Variants in DYNC2LI1 observed in about 807,000 individuals in gnomAD.
DYNC2LI1 encodes dynein cytoplasmic 2 light intermediate chain 1.
DYNC2LI1 carries 45 observed loss-of-function variants against 51.9 expected under a neutral mutation model. The observed-to-expected ratio is 0.87, with a 90% confidence interval of 0.68 to 1.11. DYNC2LI1 has a LOEUF of 1.11. DYNC2LI1 is among the 50% of genes most tolerant of loss of function. The pLI is 0.00. For synonymous variants in DYNC2LI1, 130 were observed against 137.8 expected (o/e 0.94, Z 0.40); for missense variants, 490 against 417.4 (o/e 1.17, Z -1.51).
At chr2:43,800,958 G>C in intron 9 of DYNC2LI1, 41 bp downstream of exon 9, 1 of 1,361,746 alleles carries the variant, frequency 7.3e-7, no homozygotes, top group Non-Finnish European at 1.0e-6. Context: ...TTGAGTGATT[G>C]ATTTAGCCAA....
rs970640724 is a variant in DYNC2LI1, at chr2:43,774,155, T to C, written c.8+9T>C. On this transcript the variant is annotated intron_variant, in intron 1 of 12. Transcript: ENST00000260605. ...CCGTCGACGATGCCCAGGTATTCCCTGAACCCGGCTTGCGTGGGAAAGGCT... is the reference window on the plus strand; with the variant it reads ...CCGTCGACGATGCCCAGGTATTCCCCGAACCCGGCTTGCGTGGGAAAGGCT... 6.2e-7 allele frequency: 1 copy of C among 1,613,922 alleles called. No homozygotes were observed. The highest frequency in any genetic ancestry group is 8.5e-7 in the Non-Finnish European group (1 of 1,179,932).
chr2:43,823,527 C>A, the DYNC2LI1 span, among the ~76,000 whole-genome samples: 1 of 152,148 alleles, frequency 6.6e-6, no homozygotes, highest in Admixed American at 6.5e-5. Context: ...AAATTAGGTG[C>A]TGGCTGTCCT....
At chr2:43,788,030 T>C (rs1005683391) in intron 4 of DYNC2LI1, among the ~76,000 whole-genome samples, 3 of 152,122 alleles carry the variant, frequency 2.0e-5, no homozygotes, top group Non-Finnish European at 4.4e-5. Flanking sequence ...GAAAAAAACA[T>C]AATATATAGA....
At chr2:43,776,109 A>T (rs138309300) in intron 1 of DYNC2LI1, among the ~76,000 whole-genome samples, 1,873 of 151,986 alleles carry the variant, frequency 0.012, 47 homozygotes, top group African/African-American at 0.042. Flanking sequence ...ATATGTATAC[A>T]TGTGCCATGT....
downstream of DYNC2LI1, among the ~76,000 whole-genome samples, chr2:43,811,664 G>T (rs1666485232): frequency 6.6e-6 from 1 of 150,800 alleles, no homozygotes; most frequent in African/African-American, 2.4e-5. Context: ...GTGCATTCTC[G>T]GCTCACTGCA....
chr2:43,795,115 A>G, intron 6 of DYNC2LI1: 1 of 997,434 alleles, frequency 1.0e-6, no homozygotes, highest in Non-Finnish European at 1.2e-6. Flanking sequence ...TAATTAAATT[A>G]TAAAGTTGCT....
At chr2:43,818,995 T>C in the DYNC2LI1 span, among the ~76,000 whole-genome samples, 2 of 152,210 alleles carry the variant, frequency 1.3e-5, no homozygotes, top group African/African-American at 4.8e-5. Context: ...GCCTTCATAG[T>C]GGTGTGACTT....
At chr2:43,789,019 G>T (rs752212115) in intron 4 of DYNC2LI1, among the ~76,000 whole-genome samples, 1 of 152,186 alleles carries the variant, frequency 6.6e-6, no homozygotes, top group Non-Finnish European at 1.5e-5. Context: ...AAGAGAAGCA[G>T]TTGTTTGAAC....
chr2:43,822,415 C>G, the DYNC2LI1 span: 1 of 682,278 alleles, frequency 1.5e-6, no homozygotes. Context: ...CTGTCCTCTT[C>G]CCACCCTCTG....
intron 2 of DYNC2LI1, among the ~76,000 whole-genome samples, chr2:43,778,244 G>A (rs1461502187): frequency 1.3e-5 from 2 of 152,108 alleles, no homozygotes; most frequent in Non-Finnish European, 2.9e-5. Flanking sequence ...GCACCCTGCA[G>A]CCTTGACTTC....
At chr2:43,825,052 C>T in the DYNC2LI1 span, 25 of 1,610,870 alleles carry the variant, frequency 1.6e-5, no homozygotes, top group East Asian at 5.4e-4. Context: ...AGTGTGTGAT[C>T]ACAAGGGTAG....
In DYNC2LI1 at chr2:43,789,721, G is replaced by A. The variant is rs772202929; in HGVS notation, c.320G>A (p.Arg107Gln). Residue 107 changes from arginine to glutamine, a missense_variant and splice_region_variant, in exon 5 of 13, where the codon CGG (arginine) becomes CAG (glutamine). Arg to Gln is a conservative substitution (Grantham distance 43). Transcript: ENST00000260605. ...ATACCCATCACAGGTGACACCTTAC[G>A]GTAAGTGAGCCAGCTCCAGGAAAAC... ...ISIPITGDTL[R>Q]TFSLVLVLDL... 6.8e-6 allele frequency: 11 copies of A among 1,612,390 alleles called. No individual in the cohort carries two copies. The highest frequency in any genetic ancestry group is 2.7e-5 in the African/African-American group (2 of 74,802).
chr2:43,784,347 G>A (rs774018618), intron 3 of DYNC2LI1, among the ~76,000 whole-genome samples: 2 of 152,040 alleles, frequency 1.3e-5, no homozygotes, highest in African/African-American at 4.8e-5. Context: ...ACATTTAGAC[G>A]TTTCCTGTCA....
intron 1 of DYNC2LI1, 68 bp downstream of exon 1, chr2:43,774,214 C>A: frequency 1.3e-6 from 2 of 1,598,526 alleles, no homozygotes; most frequent in East Asian, 2.3e-5. Context: ...GAAGCCCAGG[C>A]GGGACCAGCT....
At position 43,774,119 on chromosome 2, in the gene DYNC2LI1, C is replaced by A; in HGVS notation, c.-20C>A. On this transcript the variant is annotated 5_prime_UTR_variant, in exon 1 of 13. Coordinates refer to ENST00000260605, the MANE Select transcript of DYNC2LI1 (RefSeq NM_016008.4). The stretch of plus-strand genomic sequence containing the variant: ...CACTACTCCGAGCCTGTGACGTTTG[C>A]GGCAGCCAGGCCGTCGACGATGCCC... The A allele has an allele frequency of 6.2e-7, 1 of 1,613,608 alleles. No individual in the cohort carries two copies. The highest frequency in any genetic ancestry group is 1.3e-5 in the African/African-American group (1 of 75,058).
the DYNC2LI1 span, chr2:43,826,374 C>T: frequency 1.2e-6 from 2 of 1,613,934 alleles, no homozygotes; most frequent in East Asian, 2.2e-5. Flanking sequence ...ACGAGTTGAA[C>T]CTCTTACCTG....
the DYNC2LI1 span, chr2:43,826,426 T>G: frequency 6.2e-7 from 1 of 1,614,058 alleles, no homozygotes; most frequent in Non-Finnish European, 8.5e-7. Flanking sequence ...AGAACCACAA[T>G]TCGGTTCCTG....
chr2:43,804,556 A>G lies in DYNC2LI1; in HGVS notation c.803-86A>G, dbSNP rs142722048. The G allele has an allele frequency of 5.7e-3, 4,955 of 862,302 alleles. 22 individuals carry two copies. Among genetic ancestry groups the G allele is most frequent in the Non-Finnish European group, 8.0e-3 (4,430 of 555,384 alleles). The allele number at this position is 862,302 out of a possible 1,614,324, so 53.4% of individuals were successfully genotyped here. A position where few individuals can be genotyped will look rare whatever the true frequency, so the allele number is the denominator to read the frequency against. Reference sequence around the variant, plus strand: ...GGAAAATGAGTGATCCGAGATGTATACCTTTGTTAGTGTCATTTCTTTTAT... The same window carrying G: ...GGAAAATGAGTGATCCGAGATGTATGCCTTTGTTAGTGTCATTTCTTTTAT... On this transcript the variant is annotated intron_variant, in intron 10 of 12. Coordinates refer to ENST00000260605, the MANE Select transcript of DYNC2LI1 (RefSeq NM_016008.4).
chr2:43,826,807 C>A, the DYNC2LI1 span, among the ~76,000 whole-genome samples: 1 of 152,110 alleles, frequency 6.6e-6, no homozygotes, highest in Non-Finnish European at 1.5e-5. Flanking sequence ...CTCAGGGCAC[C>A]CTGTCAGGGA....
Sources: gnomAD v4.1 joint callset for allele counts (sites outside exome capture counted in the v4.1 genomes callset) on GRCh38, gnomAD v4.1.1 for gene constraint, MANE v1.5 for transcripts, NCBI Gene and HGNC (gene_info 2026-07-23, HGNC 2026-07-21) for gene names.